PHC2: variants seen among roughly 807,000 people sequenced by gnomAD.
PHC2 encodes polyhomeotic-like protein 2.
PHC2 carries 29 observed loss-of-function variants against 87.4 expected under a neutral mutation model. The ratio of observed to expected loss-of-function variants is 0.33; its 90% CI spans 0.25 to 0.45. The LOEUF (loss-of-function observed/expected upper bound fraction) is 0.45, where lower values mean the gene tolerates loss of function less well. Among genes scored for constraint, PHC2 ranks in the 20% least tolerant of loss-of-function variants. PHC2 has a pLI of 1.00. For missense variants in PHC2, 857 were observed against 1,136.7 expected (o/e 0.75, Z 3.54); for synonymous variants, 438 against 461.7 (o/e 0.95, Z 0.66).
chr1:33,357,925 C>T (rs1647122930), intron 7 of PHC2, among the ~76,000 whole-genome samples: 2 of 152,150 alleles, frequency 1.3e-5, no homozygotes, highest in African/African-American at 2.4e-5. Context: ...GAGGTGGGAG[C>T]TGGAGATGGT....
intron 1 of PHC2, among the ~76,000 whole-genome samples, chr1:33,400,516 A>T (rs1229521486): frequency 2.0e-5 from 3 of 152,246 alleles, no homozygotes; most frequent in African/African-American, 7.2e-5. Flanking sequence ...TATCTCATTT[A>T]ATCTTCACAC....
intron 1 of PHC2, among the ~76,000 whole-genome samples, chr1:33,395,623 G>C (rs1330891693): frequency 6.6e-6 from 1 of 152,146 alleles, no homozygotes; most frequent in Admixed American, 6.5e-5. Flanking sequence ...GATAAGGCAA[G>C]TATGGTAAAA....
chr1:33,335,673 G>A (rs936413778), intron 9 of PHC2, among the ~76,000 whole-genome samples: 5 of 152,130 alleles, frequency 3.3e-5, no homozygotes, highest in South Asian at 4.1e-4. Context: ...AGACCGAGGC[G>A]GGTGGATCAC....
chr1:33,345,280 G>A (rs1031316346), intron 9 of PHC2: 1 of 152,248 alleles, frequency 6.6e-6, no homozygotes, highest in African/African-American at 2.4e-5. Context: ...GAAAAAAACA[G>A]ACATTTGCTT....
At chr1:33,385,164 T>C (rs1171383693) in intron 1 of PHC2, among the ~76,000 whole-genome samples, 2 of 152,068 alleles carry the variant, frequency 1.3e-5, no homozygotes, top group African/African-American at 4.8e-5. Flanking sequence ...AAAAAGCAGA[T>C]GTAGAAGGTC....
chr1:33,354,203 C>T (rs954657964), intron 9 of PHC2, among the ~76,000 whole-genome samples, 198 bp downstream of exon 9: 2 of 152,334 alleles, frequency 1.3e-5, no homozygotes, highest in Middle Eastern at 3.4e-3. Flanking sequence ...TCTCCACCCT[C>T]TTGCTCTAAT....
intron 1 of PHC2, among the ~76,000 whole-genome samples, chr1:33,393,463 GTTTT>G (rs36030279): frequency 1.1e-4 from 14 of 131,044 alleles, no homozygotes; most frequent in South Asian, 7.7e-4. Context: ...TTTTCAAGAG[GTTTT>G]TTTTTTTTTT....
chr1:33,334,053 T>G lies in PHC2; in HGVS notation c.1761+37A>C, dbSNP rs1018566811. 1.3e-6 allele frequency: 2 copies of G among 1,533,944 alleles called. No individual in the cohort carries two copies. The highest frequency in any genetic ancestry group is 1.8e-6 in the Non-Finnish European group (2 of 1,125,976). On this transcript the variant is annotated intron_variant, in intron 10 of 14. Coordinates refer to ENST00000683057, the MANE Select transcript of PHC2 (RefSeq NM_001385109.1). This position sits in a 1 kb window ranked among gnomAD's most constrained non-coding sequence, Gnocchi z 5.5. ...AATATTCTAAGACACATCCAAAATA[T>G]ACTTAAAAAAAAAAGGGGAAAAGAA... is the stretch of plus-strand genomic sequence containing the variant.
intron 9 of PHC2, among the ~76,000 whole-genome samples, chr1:33,350,134 C>T (rs1182247255): frequency 2.0e-5 from 3 of 151,838 alleles, no homozygotes; most frequent in African/African-American, 7.2e-5. Flanking sequence ...GCAAGTGCTC[C>T]TTGGCGGGGC....
intron 7 of PHC2, among the ~76,000 whole-genome samples, chr1:33,362,820 G>C (rs996410677): frequency 6.6e-6 from 1 of 152,156 alleles, no homozygotes; most frequent in African/African-American, 2.4e-5. Context: ...TTAAACTCTT[G>C]TTCATCTCTT....
At chr1:33,374,266 T>G (rs1015589031) in intron 2 of PHC2, among the ~76,000 whole-genome samples, 2 of 152,060 alleles carry the variant, frequency 1.3e-5, no homozygotes, top group African/African-American at 2.4e-5. Context: ...CTTGGGTGAT[T>G]CCACTCGCCA....
At position 33,349,171 on chromosome 1, in the gene PHC2, A is replaced by G; in HGVS notation, c.1558+5230T>C. The G allele has an allele frequency of 4.1e-6, 4 of 985,488 alleles. No homozygotes were observed. The highest frequency in any genetic ancestry group is 4.8e-6 in the Non-Finnish European group (4 of 829,944). The allele number at this position is 985,488 out of a possible 1,614,324, so 61.0% of individuals were successfully genotyped here. A position where few individuals can be genotyped will look rare whatever the true frequency, so the allele number is the denominator to read the frequency against. On this transcript the variant is annotated intron_variant, in intron 9 of 14. Transcript: ENST00000683057. This position sits in a 1 kb window ranked among gnomAD's most constrained non-coding sequence, Gnocchi z 4.2. ...CGTGAGACTGAACTAGATTAAAAACAAAACTCTCCAGCGAAGCCGCAGGCG... is the reference window on the plus strand; with the variant it reads ...CGTGAGACTGAACTAGATTAAAAACGAAACTCTCCAGCGAAGCCGCAGGCG...
intron 7 of PHC2, among the ~76,000 whole-genome samples, chr1:33,365,700 G>A (rs1647410146): frequency 6.6e-6 from 1 of 152,246 alleles, no homozygotes; most frequent in Admixed American, 6.5e-5. Flanking sequence ...GCCTCCGTGG[G>A]GAGGTGCCTT....
intron 1 of PHC2, among the ~76,000 whole-genome samples, chr1:33,379,694 T>C (rs1354256733): frequency 6.6e-6 from 1 of 150,598 alleles, no homozygotes; most frequent in East Asian, 2.0e-4. Context: ...TCACTCTGCC[T>C]TGGCTCTCTG....
rs1646920806 is a variant in PHC2 at position 33,349,638 on chromosome 1, C to T, written c.1558+4763G>A. ...TGGGCCTGGCCGGGCGGGGCCTACG[C>T]AGCCCCTCGGCCGGGCGCCGACTCG... On this transcript the variant is annotated intron_variant, in intron 9 of 14. Coordinates refer to ENST00000683057, the MANE Select transcript of PHC2 (RefSeq NM_001385109.1). The surrounding 1 kb of genome is among the most constrained non-coding windows in gnomAD (Gnocchi z 4.2). 1 of 983,514 alleles carries T rather than the reference C, an allele frequency of 1.0e-6. No individual in the cohort carries two copies. The highest frequency in any genetic ancestry group is 1.2e-6 in the Non-Finnish European group (1 of 829,386). 60.9% of individuals were successfully genotyped at this position (983,514 alleles called of 1,614,324 possible). A position where few individuals can be genotyped will look rare whatever the true frequency, so the allele number is the denominator to read the frequency against.
At chr1:33,336,229 T>C (rs973826804) in intron 9 of PHC2, among the ~76,000 whole-genome samples, 1 of 152,060 alleles carries the variant, frequency 6.6e-6, no homozygotes, top group Non-Finnish European at 1.5e-5. Context: ...TCTCAGGTGG[T>C]CCACCTGCCT....
At chr1:33,377,589 A>G (rs1490948240) in intron 1 of PHC2, among the ~76,000 whole-genome samples, 2 of 151,940 alleles carry the variant, frequency 1.3e-5, no homozygotes, top group African/African-American at 2.4e-5. Flanking sequence ...TTCTGTGTAG[A>G]GGCTGTTCCT....
chr1:33,358,821 T>A (rs1201531450), intron 7 of PHC2: 1 of 152,256 alleles, frequency 6.6e-6, no homozygotes, highest in East Asian at 1.9e-4. Flanking sequence ...TCTAGAGTGC[T>A]ACAAATCAAA....
intron 1 of PHC2, among the ~76,000 whole-genome samples, chr1:33,394,190 ATACAGT>A (rs1212895475): frequency 3.3e-5 from 5 of 152,338 alleles, no homozygotes; most frequent in East Asian, 1.9e-4. Flanking sequence ...GCTCAAACTT[ATACAGT>A]TACAAAGTGG....
Sources: allele counts gnomAD v4.1 joint callset (sites outside exome capture counted in the v4.1 genomes callset), GRCh38; gene constraint gnomAD v4.1.1; non-coding constraint Gnocchi (gnomAD v3.1); transcripts MANE v1.5; gene names NCBI Gene and HGNC (gene_info 2026-07-23, HGNC 2026-07-21).